IMMP2L: variants seen among roughly 807,000 people sequenced by gnomAD.
The protein encoded by IMMP2L is inner mitochondrial membrane peptidase subunit 2, also known as mitochondrial inner membrane protease subunit 2.
In IMMP2L, 18 loss-of-function variants were observed where a neutral mutation model predicts 19.3. The observed-to-expected ratio is 0.93, with a 90% CI of 0.64 to 1.38. The LOEUF is 1.38. Among genes scored for constraint, IMMP2L ranks in the 40% most tolerant of loss-of-function variants. The pLI, the probability that IMMP2L is intolerant of heterozygous loss-of-function variation, is 0.00. For synonymous variants in IMMP2L, 76 were observed against 73.0 expected (o/e 1.04, Z -0.21); for missense variants, 233 against 218.2 (o/e 1.07, Z -0.43).
At chr7:111,466,260 G>A (rs1275611441) in intron 3 of IMMP2L, among the ~76,000 whole-genome samples, 5 of 152,038 alleles carry the variant, frequency 3.3e-5, no homozygotes, top group Admixed American at 2.0e-4. Context: ...AAGTTAATGG[G>A]TGCAGCACAC....
chr7:111,064,829 G>A (rs868129044), intron 3 of IMMP2L, among the ~76,000 whole-genome samples: 36 of 152,162 alleles, frequency 2.4e-4, no homozygotes, highest in Non-Finnish European at 4.7e-4. Flanking sequence ...CTACTACTCC[G>A]CAATGGAGAC....
At chr7:110,961,868 C>T (rs1469777361) in intron 4 of IMMP2L, among the ~76,000 whole-genome samples, 2 of 151,768 alleles carry the variant, frequency 1.3e-5, no homozygotes, top group Non-Finnish European at 2.9e-5. Context: ...AGGCTAAACT[C>T]TAGAGACTGA....
chr7:111,152,342 C>T (rs1804172190), intron 3 of IMMP2L, among the ~76,000 whole-genome samples: 1 of 152,068 alleles, frequency 6.6e-6, no homozygotes, highest in South Asian at 2.1e-4. Flanking sequence ...CACCTTGCCT[C>T]TTATGTATAA....
chr7:110,749,930 C>T (rs1398732253), intron 5 of IMMP2L, among the ~76,000 whole-genome samples: 1 of 151,916 alleles, frequency 6.6e-6, no homozygotes, highest in African/African-American at 2.4e-5. Flanking sequence ...TTATGTTAAA[C>T]TTCAGATTAG....
intron 3 of IMMP2L, among the ~76,000 whole-genome samples, chr7:111,469,181 G>A (rs1037773338): frequency 6.6e-6 from 1 of 152,120 alleles, no homozygotes; most frequent in Admixed American, 6.6e-5. Flanking sequence ...TTTGAAGTCA[G>A]GTAGCGTGAT....
chr7:110,926,072 A>G (rs1259960118), intron 4 of IMMP2L, among the ~76,000 whole-genome samples: 1 of 152,018 alleles, frequency 6.6e-6, no homozygotes, highest in African/African-American at 2.4e-5. Flanking sequence ...TAGCCTCTGT[A>G]TATTTTCTAA....
chr7:111,129,709 A>G, intron 3 of IMMP2L, among the ~76,000 whole-genome samples: 1 of 152,114 alleles, frequency 6.6e-6, no homozygotes, highest in East Asian at 1.9e-4. Context: ...TTCACACAAT[A>G]GTGACTACTT....
intron 3 of IMMP2L, among the ~76,000 whole-genome samples, chr7:111,352,060 C>T (rs1001963811): frequency 6.6e-6 from 1 of 152,010 alleles, no homozygotes; most frequent in Non-Finnish European, 1.5e-5. Context: ...AGTATGCTTC[C>T]CATTAACACA....
intron 5 of IMMP2L, among the ~76,000 whole-genome samples, chr7:110,825,754 T>C (rs1249132528): frequency 6.6e-6 from 1 of 152,106 alleles, no homozygotes; most frequent in East Asian, 1.9e-4. Flanking sequence ...ATCTAGGCAA[T>C]ACCATTCAGG....
intron 5 of IMMP2L, among the ~76,000 whole-genome samples, chr7:110,851,523 A>G (rs1490978638): frequency 6.6e-6 from 1 of 152,134 alleles, no homozygotes; most frequent in Non-Finnish European, 1.5e-5. Context: ...TGAGCAATCT[A>G]TCATGCTTGA....
intron 2 of IMMP2L, among the ~76,000 whole-genome samples, chr7:111,520,899 T>A (rs558165960): frequency 6.6e-6 from 1 of 152,140 alleles, no homozygotes. Flanking sequence ...GTCTAGACAT[T>A]TCTACAAACT....
intron 4 of IMMP2L, among the ~76,000 whole-genome samples, chr7:110,902,110 T>A (rs748029380): frequency 3.3e-5 from 5 of 151,996 alleles, no homozygotes; most frequent in Non-Finnish European, 7.4e-5. Flanking sequence ...AAAAAAGATA[T>A]CTAAAATGTA....
intron 3 of IMMP2L, among the ~76,000 whole-genome samples, chr7:111,355,491 T>A (rs929919211): frequency 6.6e-6 from 1 of 151,728 alleles, no homozygotes; most frequent in Admixed American, 6.6e-5. Flanking sequence ...ATCCTCTTAA[T>A]TAGTAATTTC....
chr7:111,415,626 T>C (rs569676863), intron 3 of IMMP2L, among the ~76,000 whole-genome samples: 3 of 151,940 alleles, frequency 2.0e-5, no homozygotes, highest in African/African-American at 7.3e-5. Context: ...AATTTACTTA[T>C]TTTGCATATA....
intron 3 of IMMP2L, among the ~76,000 whole-genome samples, chr7:111,111,960 T>G (rs927210037): frequency 2.3e-4 from 32 of 137,516 alleles, no homozygotes; most frequent in African/African-American, 8.1e-4. Flanking sequence ...TTTTTTTTTT[T>G]TTTTTGAGAT....
chr7:111,445,964 G>C (rs965209354), intron 3 of IMMP2L, among the ~76,000 whole-genome samples: 5 of 152,066 alleles, frequency 3.3e-5, no homozygotes, highest in Admixed American at 1.3e-4. Context: ...CTGGAAAATC[G>C]GGTCACTCCC....
intron 5 of IMMP2L, among the ~76,000 whole-genome samples, chr7:110,872,058 G>A (rs913696058): frequency 2.0e-5 from 3 of 152,130 alleles, no homozygotes; most frequent in African/African-American, 7.2e-5. Context: ...CCAATCTCCT[G>A]TTTGTTAAAT....
At chr7:111,544,555 C>G (rs1848751748) in intron 1 of IMMP2L, among the ~76,000 whole-genome samples, 1 of 152,050 alleles carries the variant, frequency 6.6e-6, no homozygotes, top group African/African-American at 2.4e-5. Context: ...AGAAAATCAA[C>G]AAGGCCCAAT....
chr7:111,548,489 C>A (rs543171165), intron 1 of IMMP2L, among the ~76,000 whole-genome samples: 5 of 152,068 alleles, frequency 3.3e-5, no homozygotes, highest in African/African-American at 7.2e-5. Flanking sequence ...ATATGATACA[C>A]TTTGAAGTTA....
Sources: allele counts gnomAD v4.1 joint callset (sites outside exome capture counted in the v4.1 genomes callset), GRCh38; gene constraint gnomAD v4.1.1; transcripts MANE v1.5; gene names NCBI Gene and HGNC (gene_info 2026-07-23, HGNC 2026-07-21).